The following TENM2 variants were observed in gnomAD, a reference collection of about 807,000 sequenced individuals.
TENM2 encodes the protein teneurin transmembrane protein 2, also known as teneurin-2.
Under a neutral mutation model 245.2 loss-of-function variants are expected in TENM2, and 52 were observed. The ratio of observed to expected loss-of-function variants is 0.21; its 90% CI spans 0.17 to 0.27. The LOEUF (loss-of-function observed/expected upper bound fraction) is 0.27, where lower values mean the gene tolerates loss of function less well. Among genes scored for constraint, TENM2 ranks in the 10% least tolerant of loss-of-function variants. The pLI is 1.00. For synonymous variants in TENM2, 1,363 were observed against 1,438.9 expected (o/e 0.95, Z 1.19); for missense variants, 3,046 against 3,666.8 (o/e 0.83, Z 4.37).
At chr5:168,012,055 G>A (rs1222684849) in intron 5 of TENM2, among the ~76,000 whole-genome samples, 1 of 152,178 alleles carries the variant, frequency 6.6e-6, no homozygotes, top group Non-Finnish European at 1.5e-5. Context: ...ACCACTATGT[G>A]TATTGCCATC....
chr5:167,429,670 G>A (rs1157400283), intron 2 of TENM2, among the ~76,000 whole-genome samples: 4 of 138,740 alleles, frequency 2.9e-5, no homozygotes, highest in Non-Finnish European at 6.0e-5. Flanking sequence ...GCAGTGAAGC[G>A]ACCGCGGCTC....
intron 2 of TENM2, among the ~76,000 whole-genome samples, chr5:167,728,255 C>T (rs1760164678): frequency 6.6e-6 from 1 of 152,094 alleles, no homozygotes; most frequent in African/African-American, 2.4e-5. Flanking sequence ...TTCATTTTGT[C>T]TAGGTCCTCA....
intron 16 of TENM2, among the ~76,000 whole-genome samples, 199 bp from the exon 19 acceptor site, chr5:168,199,665 C>T (rs1057295364): frequency 2.6e-5 from 4 of 152,132 alleles, no homozygotes; most frequent in African/African-American, 9.7e-5. Context: ...AAAATCATAA[C>T]CTCAGCCCCA....
intron 12 of TENM2, among the ~76,000 whole-genome samples, chr5:168,141,157 C>T (rs1755512412): frequency 6.6e-6 from 1 of 152,116 alleles, no homozygotes; most frequent in South Asian, 2.1e-4. Context: ...AGAGAAGATT[C>T]CAGTTCAGCA....
chr5:167,440,737 T>C (rs902765402), intron 2 of TENM2, among the ~76,000 whole-genome samples: 3 of 152,130 alleles, frequency 2.0e-5, no homozygotes, highest in Non-Finnish European at 4.4e-5. Flanking sequence ...TCTCTTTCCT[T>C]CTTCTGCTCT....
the TENM2 span, among the ~76,000 whole-genome samples, chr5:167,109,558 A>G: frequency 6.6e-6 from 1 of 152,092 alleles, no homozygotes; most frequent in Non-Finnish European, 1.5e-5. Context: ...TCATCCTAAC[A>G]ATAAAAGTGA....
chr5:167,099,383 C>G, the TENM2 span, among the ~76,000 whole-genome samples: 2 of 152,146 alleles, frequency 1.3e-5, no homozygotes, highest in Non-Finnish European at 2.9e-5. Flanking sequence ...TGCAGCTTAT[C>G]TGTGACAGAT....
chr5:167,224,761 T>C, the TENM2 span, among the ~76,000 whole-genome samples: 2 of 151,996 alleles, frequency 1.3e-5, no homozygotes, highest in Admixed American at 6.6e-5. Context: ...TTTTGATAGA[T>C]ATTACATTGA....
intron 4 of TENM2, among the ~76,000 whole-genome samples, chr5:167,989,242 GTAGA>G (rs150427488): frequency 0.14 from 20,952 of 149,418 alleles, 1,783 homozygotes; most frequent in Admixed American, 0.26. Flanking sequence ...TAAATAGAAT[GTAGA>G]TAGATAGATA....
intron 2 of TENM2, among the ~76,000 whole-genome samples, chr5:167,710,389 T>C (rs954132080): frequency 6.6e-6 from 1 of 152,196 alleles, no homozygotes; most frequent in African/African-American, 2.4e-5. Flanking sequence ...CACATTCTTA[T>C]ATCTGCTGGG....
At position 168,058,356 on chromosome 5, in the gene TENM2, T is replaced by G. The variant is rs1454479057; in HGVS notation, c.1310-3704T>G. Among the ~76,000 whole-genome samples, 3 of 152,318 alleles carry G rather than the reference T, an allele frequency of 2.0e-5. No homozygotes were observed. In the East Asian group the frequency reaches 5.8e-4, roughly 29 times the overall value. On this transcript the variant is annotated intron_variant, in intron 6 of 28. Transcript: ENST00000518659. ...GTGCAAAGCTTAGAGAACCTAGAGATGAATCTGCATCTCTGCCTGACCTCA... is the reference window on the plus strand; with the variant it reads ...GTGCAAAGCTTAGAGAACCTAGAGAGGAATCTGCATCTCTGCCTGACCTCA...
chr5:167,977,847 C>G (rs933800996), intron 4 of TENM2, among the ~76,000 whole-genome samples: 1 of 152,182 alleles, frequency 6.6e-6, no homozygotes, highest in African/African-American at 2.4e-5. Flanking sequence ...GATGTTTGTC[C>G]TCTCCATGTC....
exon 17 of TENM2, chr5:168,200,110 T>C (rs762974162): frequency 3.7e-6 from 6 of 1,613,416 alleles, no homozygotes; most frequent in Non-Finnish European, 5.1e-6. Flanking sequence ...CCAAAGGGTG[T>C]ATGGACTCTC....
chr5:167,753,980 G>A (rs1304817336), intron 2 of TENM2, among the ~76,000 whole-genome samples: 2 of 152,076 alleles, frequency 1.3e-5, no homozygotes, highest in Non-Finnish European at 2.9e-5. Context: ...CTTCCTCACA[G>A]TATATGGAGT....
At chr5:167,284,729 A>C (rs1029804566), upstream of TENM2, 3 of 769,228 alleles carry the variant, frequency 3.9e-6, no homozygotes, top group African/African-American at 5.2e-5. Flanking sequence ...ATTTCTTGTA[A>C]TCACAGTCTT....
At chr5:166,997,189 TA>T in the TENM2 span, among the ~76,000 whole-genome samples, 1 of 152,196 alleles carries the variant, frequency 6.6e-6, no homozygotes, top group African/African-American at 2.4e-5. Context: ...GACCTACCAG[TA>T]TTAAGAAGCA....
At chr5:167,410,301 A>G (rs1219548291) in intron 2 of TENM2, among the ~76,000 whole-genome samples, 1 of 152,078 alleles carries the variant, frequency 6.6e-6, no homozygotes, top group Admixed American at 6.6e-5. Context: ...GCAAATATCC[A>G]AAAACAACAA....
chr5:167,298,394 G>T (rs1755089032), intron 1 of TENM2, among the ~76,000 whole-genome samples: 1 of 152,198 alleles, frequency 6.6e-6, no homozygotes, highest in Admixed American at 6.5e-5. Flanking sequence ...ACGAGGTCAG[G>T]AGATTGAGAC....
chr5:167,005,100 T>G, the TENM2 span, among the ~76,000 whole-genome samples: 17 of 152,216 alleles, frequency 1.1e-4, no homozygotes, highest in Non-Finnish European at 2.4e-4. Flanking sequence ...CCCCCCCATT[T>G]AATTAGATGT....
Sources: allele counts gnomAD v4.1 joint callset (sites outside exome capture counted in the v4.1 genomes callset), GRCh38; gene constraint gnomAD v4.1.1; transcripts MANE v1.5; gene names NCBI Gene and HGNC (gene_info 2026-07-23, HGNC 2026-07-21).